TMEM259: variants seen among roughly 807,000 people sequenced by gnomAD.
TMEM259 encodes the protein membralin.
In TMEM259, 26 loss-of-function variants were observed where a neutral mutation model predicts 46.7. The observed-to-expected ratio is 0.56, with a 90% CI of 0.41 to 0.77. The LOEUF is 0.77. Among genes scored for constraint, TMEM259 ranks in the 30% least tolerant of loss-of-function variants. The pLI is 0.00. For synonymous variants in TMEM259, 494 were observed against 395.1 expected, an observed-to-expected ratio of 1.25 and a Z score of -2.97; for missense variants, 930 against 900.5, an observed-to-expected ratio of 1.03 and a Z score of -0.42.
In TMEM259 at chr19:1,010,643, C is replaced by G. The variant is rs1232848351; in HGVS notation, c.1570G>C (p.Val524Leu). The change falls in exon 11 of 11, where the codon GTG (valine) becomes CTG (leucine). Residue 524 changes from valine to leucine, a missense_variant. Val to Leu is a conservative substitution (Grantham distance 32). Coordinates refer to ENST00000356663, the MANE Select transcript of TMEM259 (RefSeq NM_001033026.2). Reference sequence around the variant, plus strand: ...GCTGCCACTGAGGCTGCCGCGGCCACCAGGGAGCTGGGCGCCGCTGCCACA... The same window carrying G: ...GCTGCCACTGAGGCTGCCGCGGCCAGCAGGGAGCTGGGCGCCGCTGCCACA... ...GPVAAAPSSLVAAAASVAAAA... is the reference protein window; with the variant it reads ...GPVAAAPSSLLAAAASVAAAA... 1.9e-6 allele frequency: 3 copies of G among 1,542,460 alleles called. No homozygotes were observed. Among genetic ancestry groups the G allele is most frequent in the Non-Finnish European group, 2.6e-6 (3 of 1,148,218 alleles).
At chr19:1,016,410 C>G (rs573384036) in intron 1 of TMEM259, among the ~76,000 whole-genome samples, 2 of 152,244 alleles carry the variant, frequency 1.3e-5, no homozygotes, top group South Asian at 4.1e-4. Context: ...CACAGCCCCT[C>G]GGCTCAGCAC....
chr19:1,010,375 T>C lies in TMEM259; in HGVS notation c.1838A>G (p.Glu613Gly). ...TCAGGACCCCACCTCCGAGGGCGCC[T>C]CCGTTGGGGCCATGGAGGCCGGGCT... ...GPSPASMAPT[E>G]APSEVGS The change falls in exon 11 of 11, where the codon GAG becomes GGG. Residue 613 changes from glutamate to glycine, a missense_variant. Glu to Gly is a moderately conservative substitution (Grantham distance 98). Transcript: ENST00000356663. 6.7e-7 allele frequency: 1 copy of C among 1,499,310 alleles called. No homozygotes were observed. 92.9% of individuals were successfully genotyped at this position (1,499,310 alleles called of 1,614,324 possible).
chr19:1,015,936 G>A (rs1014147887), intron 1 of TMEM259, among the ~76,000 whole-genome samples: 1 of 152,228 alleles, frequency 6.6e-6, no homozygotes, highest in African/African-American at 2.4e-5. Context: ...TGTGACCTGT[G>A]GGAGGCCCTG....
intron 1 of TMEM259, among the ~76,000 whole-genome samples, chr19:1,018,752 G>A (rs972348357): frequency 6.6e-5 from 10 of 152,166 alleles, no homozygotes; most frequent in East Asian, 1.9e-4. Context: ...TTGGGAGGCC[G>A]AGGCGGGCAG....
chr19:1,016,671 C>T (rs1042127077), intron 1 of TMEM259, among the ~76,000 whole-genome samples: 4 of 152,176 alleles, frequency 2.6e-5, no homozygotes, highest in African/African-American at 7.2e-5. Flanking sequence ...CAGACCTGGA[C>T]CTGCTGAGGT....
chr19:1,013,405 G>C (rs532415292), intron 2 of TMEM259, 65 bp from the exon 3 acceptor site: 13 of 1,512,416 alleles, frequency 8.6e-6, no homozygotes, highest in South Asian at 7.9e-5. Context: ...CCAGCCTGAG[G>C]ATACAGTCCT....
chr19:1,013,874 C>G (rs938789832), intron 2 of TMEM259, among the ~76,000 whole-genome samples: 5 of 152,130 alleles, frequency 3.3e-5, no homozygotes, highest in Admixed American at 6.5e-5. Flanking sequence ...TCAGCTATTG[C>G]TGCCCACTGC....
At position 1,010,669 on chromosome 19, in the gene TMEM259, G is replaced by A. The variant is rs746587856; in HGVS notation, c.1544C>T (p.Pro515Leu). Reference protein sequence around the residue: ...VSPGASGSPGPVAAAPSSLVA... With the variant: ...VSPGASGSPGLVAAAPSSLVA... ...CAGGGAGCTGGGCGCCGCTGCCACAGGCCCGGGACTCCCGCTGGCCCCAGG... is the reference window on the plus strand; with the variant it reads ...CAGGGAGCTGGGCGCCGCTGCCACAAGCCCGGGACTCCCGCTGGCCCCAGG... The change falls in exon 11 of 11, where the codon CCT becomes CTT. Residue 515 changes from proline to leucine, a missense_variant. By Grantham distance (98) the Pro-to-Leu change is moderately conservative. Coordinates refer to ENST00000356663, the MANE Select transcript of TMEM259 (RefSeq NM_001033026.2). 46 of 1,535,056 alleles carry A rather than the reference G, an allele frequency of 3.0e-5. No individual in the cohort carries two copies. The African/African-American group carries it at 5.8e-4, about 19-fold the overall frequency.
At chr19:1,014,955 T>C (rs1222627557) in intron 1 of TMEM259, among the ~76,000 whole-genome samples, 11 of 152,024 alleles carry the variant, frequency 7.2e-5, no homozygotes, top group Admixed American at 1.3e-4. Context: ...AGCATGGGTG[T>C]TGCCGCCACC....
chr19:1,019,671 G>A lies in TMEM259; in HGVS notation c.225+1101C>T, dbSNP rs918649609. Among the ~76,000 whole-genome samples the A allele has an allele frequency of 2.4e-4, 36 of 152,280 alleles. 1 individual carries two copies. In the Middle Eastern group the frequency reaches 0.024, roughly 101 times the overall value. ...GAGCCCAAAAAAGCAGCCAGCTCCT[G>A]ACCAACCTGTGTCAGGCTGGGAACT... On this transcript the variant is annotated intron_variant, in intron 1 of 10. Transcript: ENST00000356663.
In TMEM259 at chr19:1,010,569, G is replaced by A. The variant is rs746439530; in HGVS notation, c.1644C>T (p.Ile548=). The change falls in exon 11 of 11, where the codon ATC becomes ATT. Residue 548 remains isoleucine, a synonymous_variant. Transcript: ENST00000356663. ...GGCCGGACAGGAAGGAGGCGTCTGT[G>A]ATGATGGCAGCGGTCTCTGCCATCC... ...LGWMAETAAI[I]TDASFLSGLS... 2.0e-5 allele frequency: 31 copies of A among 1,549,744 alleles called. No homozygotes were observed. Among genetic ancestry groups the A allele is most frequent in the African/African-American group, 5.5e-5 (4 of 73,124 alleles).
chr19:1,018,321 C>CAGGTGGTTTTA (rs2039176991), intron 1 of TMEM259, among the ~76,000 whole-genome samples: 1 of 152,206 alleles, frequency 6.6e-6, no homozygotes, highest in African/African-American at 2.4e-5. Context: ...TTCCTAAAGC[C>CAGGTGGTTTTA]ACCCAGGCAT....
rs374262254 is a variant in TMEM259 at position 1,011,772 on chromosome 19, C to T, written c.969G>A (p.Arg323=). 1.4e-5 allele frequency: 22 copies of T among 1,563,958 alleles called. No homozygotes were observed. In the African/African-American group the frequency reaches 2.2e-4, roughly 15 times the overall value. The change falls in exon 7 of 11, where the codon CGG becomes CGA. Residue 323 remains arginine, a synonymous_variant. Transcript: ENST00000356663. Reference sequence around the variant, plus strand: ...AGACGAAGATCTGGTGGTGTGAGTACCGCAGCAGCATGGACACGCTCAGCG... The same window carrying T: ...AGACGAAGATCTGGTGGTGTGAGTATCGCAGCAGCATGGACACGCTCAGCG... ...IFTLSVSMLL[R]YSHHQIFVFI... is the part of the protein sequence containing the mutation.
At chr19:1,018,545 C>G (rs1599490109) in intron 1 of TMEM259, among the ~76,000 whole-genome samples, 1 of 152,294 alleles carries the variant, frequency 6.6e-6, no homozygotes, top group Admixed American at 6.5e-5. Context: ...GCCAGGCAGG[C>G]AGGAAGCAGA....
Position 1,020,699 on chromosome 19 carries a change from C to T in TMEM259, c.225+73G>A. ...CTGTCCCCAGCGGGGCCAGGGGTCG[C>T]GGTCGGAGGTAGCAGACTTGGGGGT... is the stretch of plus-strand genomic sequence containing the variant. On this transcript the variant is annotated intron_variant, in intron 1 of 10. Transcript: ENST00000356663. This position sits in a 1 kb window ranked among gnomAD's most constrained non-coding sequence, Gnocchi z 4.0. The T allele has an allele frequency of 3.5e-6, 4 of 1,127,728 alleles. No homozygotes were observed. Among genetic ancestry groups the T allele is most frequent in the Non-Finnish European group, 2.3e-6 (2 of 878,314 alleles). 69.9% of individuals were successfully genotyped at this position (1,127,728 alleles called of 1,614,324 possible).
At chr19:1,014,112 G>C in intron 2 of TMEM259, 80 bp downstream of exon 2, 1 of 1,492,594 alleles carries the variant, frequency 6.7e-7, no homozygotes, top group South Asian at 1.3e-5. Flanking sequence ...ACATCCTGTC[G>C]ATGTCAGGAA....
In TMEM259 at chr19:1,020,993, A is replaced by T. The variant is rs937154214; in HGVS notation, c.4T>A (p.Ser2Thr). 26 of 1,357,122 alleles carry T rather than the reference A, an allele frequency of 1.9e-5. No individual in the cohort carries two copies. Among genetic ancestry groups the T allele is most frequent in the Non-Finnish European group, 2.5e-5 (26 of 1,044,460 alleles). The allele number at this position is 1,357,122 out of a possible 1,614,324, so 84.1% of individuals were successfully genotyped here. A position where few individuals can be genotyped will look rare whatever the true frequency, so the allele number is the denominator to read the frequency against. The change falls in exon 1 of 11, where the codon TCG becomes ACG. Residue 2 changes from serine (S) to threonine (T), a missense_variant. Transcript: ENST00000356663. This position sits in a 1 kb window ranked among gnomAD's most constrained non-coding sequence, Gnocchi z 4.0. M[S>T]EHVEPAAPGP... Reference sequence around the variant, plus strand: ...GGAGCTGCGGGCTCCACGTGCTCCGACATGCCTCCCAGCGTCGCGCCCTAA... The same window carrying T: ...GGAGCTGCGGGCTCCACGTGCTCCGTCATGCCTCCCAGCGTCGCGCCCTAA...
intron 1 of TMEM259, among the ~76,000 whole-genome samples, chr19:1,015,257 C>G (rs2039070661): frequency 6.6e-6 from 1 of 152,236 alleles, no homozygotes; most frequent in East Asian, 1.9e-4. Context: ...GCCAGCAGCT[C>G]TCACCTGGGG....
At chr19:1,012,429 A>G in intron 4 of TMEM259, 34 bp downstream of exon 4, 2 of 1,553,298 alleles carry the variant, frequency 1.3e-6, no homozygotes, top group Non-Finnish European at 1.7e-6. Flanking sequence ...AGGCCCCGCC[A>G]TGGAGCTCCC....
Sources: allele counts gnomAD v4.1 joint callset (sites outside exome capture counted in the v4.1 genomes callset), GRCh38; gene constraint gnomAD v4.1.1; non-coding constraint Gnocchi (gnomAD v3.1); transcripts MANE v1.5; gene names NCBI Gene and HGNC (gene_info 2026-07-23, HGNC 2026-07-21).